NAA50: variants seen among roughly 807,000 people sequenced by gnomAD.
The protein encoded by NAA50 is N-alpha-acetyltransferase 50.
Under a neutral mutation model 20.7 loss-of-function variants are expected in NAA50, and 7 were observed. The ratio of observed to expected loss-of-function variants is 0.34; its 90% CI spans 0.19 to 0.63. NAA50 has a LOEUF of 0.63. Among genes scored for constraint, NAA50 ranks in the 30% least tolerant of loss-of-function variants. The pLI is 0.75. For synonymous variants in NAA50, 54 were observed against 70.6 expected, an observed-to-expected ratio of 0.77 and a Z score of 1.18; for missense variants, 111 against 199.1, an observed-to-expected ratio of 0.56 and a Z score of 2.66.
intron 1 of NAA50, among the ~76,000 whole-genome samples, chr3:113,744,536 A>T (rs1708463656): frequency 6.6e-6 from 1 of 152,146 alleles, no homozygotes; most frequent in African/African-American, 2.4e-5. Flanking sequence ...TTCTCCAAAT[A>T]TGTTGGATTG....
chr3:113,739,081 T>G lies in NAA50; in HGVS notation c.8+6861A>C, dbSNP rs529618683. The stretch of plus-strand genomic sequence containing the variant: ...CAAACTTCACTAAATAATCATCAAA[T>G]CTTTAAAAAAGGAAATGCCGTTTAT... On this transcript the variant is annotated intron_variant, in intron 1 of 4. Transcript: ENST00000240922. 2.0e-5 allele frequency among the ~76,000 whole-genome samples: 3 copies of G among 152,278 alleles called. 1 individual carries two copies. In the South Asian group the frequency reaches 6.2e-4, roughly 32 times the overall value.
intron 1 of NAA50, among the ~76,000 whole-genome samples, chr3:113,730,171 C>G (rs1011295930): frequency 2.6e-5 from 4 of 151,938 alleles, no homozygotes; most frequent in African/African-American, 9.7e-5. Context: ...TGTGGTGGCG[C>G]GTGCCTTTAG....
intron 1 of NAA50, among the ~76,000 whole-genome samples, chr3:113,734,426 C>T (rs1708312680): frequency 6.6e-6 from 1 of 152,064 alleles, no homozygotes; most frequent in South Asian, 2.1e-4. Flanking sequence ...ACGTAACAAA[C>T]CGGTACATGT....
chr3:113,729,793 A>G (rs1277210143), intron 1 of NAA50, among the ~76,000 whole-genome samples: 1 of 151,996 alleles, frequency 6.6e-6, no homozygotes, highest in Non-Finnish European at 1.5e-5. Flanking sequence ...CCTGAACTCA[A>G]GCAATCCACC....
At position 113,719,369 on chromosome 3, in the gene NAA50, TATG is replaced by T. The variant is rs2107981633; in HGVS notation, c.*2388_*2390del. 1 of 146,924 alleles carries T rather than the reference TATG, an allele frequency of 6.8e-6. No homozygotes were observed. Among genetic ancestry groups the T allele is most frequent in the Non-Finnish European group, 1.5e-5 (1 of 67,990 alleles). 9.1% of individuals were successfully genotyped at this position (146,924 alleles called of 1,614,324 possible). The stretch of plus-strand genomic sequence containing the variant: ...AGTAAAAACTATCTGTCCTGAAAAA[TATG>T]ATGGATATATCCTGTGATTTTCCAG... On this transcript the variant is annotated 3_prime_UTR_variant, in exon 5 of 5. Coordinates refer to ENST00000240922, the MANE Select transcript of NAA50 (RefSeq NM_025146.4).
chr3:113,732,001 G>A (rs1156524074), intron 1 of NAA50, among the ~76,000 whole-genome samples: 1 of 152,070 alleles, frequency 6.6e-6, no homozygotes, highest in Non-Finnish European at 1.5e-5. Flanking sequence ...TTGCTAGGTT[G>A]TATGACAAAT....
chr3:113,723,496 T>G lies in NAA50; in HGVS notation c.191A>C (p.Asp64Ala). 1 of 1,613,084 alleles carries G rather than the reference T, an allele frequency of 6.2e-7. No individual in the cohort carries two copies. The highest frequency in any genetic ancestry group is 8.5e-7 in the Non-Finnish European group (1 of 1,179,446). The change falls in exon 3 of 5, where the codon GAT becomes GCT. Residue 64 changes from aspartate (D) to alanine (A), a missense_variant. Transcript: ENST00000240922. ...AAGTCTCTTCTGATTCTGTGAATGA[T>G]CCACCCTACAGCATACTGCACCTAC... ...IAVGAVCCRV[D>A]HSQNQKRLYI...
At chr3:113,729,956 T>C (rs1265705241) in intron 1 of NAA50, among the ~76,000 whole-genome samples, 1 of 152,154 alleles carries the variant, frequency 6.6e-6, no homozygotes, top group Non-Finnish European at 1.5e-5. Flanking sequence ...GTAAATAGCA[T>C]ATAGTTGGAT....
At chr3:113,724,216 T>C (rs1223244573) in intron 1 of NAA50, 121 bp from the exon 2 acceptor site, 152 of 1,089,590 alleles carry the variant, frequency 1.4e-4, no homozygotes, top group East Asian at 3.2e-4. Flanking sequence ...TCAGAGTTGA[T>C]TTATAAGCAA....
intron 1 of NAA50, among the ~76,000 whole-genome samples, chr3:113,727,639 T>G (rs1040660774): frequency 6.6e-6 from 1 of 152,090 alleles, no homozygotes. Context: ...GCCTTTTTTT[T>G]TTTTAAAGCA....
In NAA50 at chr3:113,746,195, C is replaced by CCGATTGTATTCTTAAGTGACAT; in HGVS notation, c.-247_-246insATGTCACTTAAGAATACAATCG. 1 of 506,630 alleles carries CCGATTGTATTCTTAAGTGACAT rather than the reference C, an allele frequency of 2.0e-6. No homozygotes were observed. The highest frequency in any genetic ancestry group is 3.6e-5 in the East Asian group (1 of 27,588). The allele number at this position is 506,630 out of a possible 1,614,324, so 31.4% of individuals were successfully genotyped here. ...TCTCCACACGTGCACTCGGGTCTCT[C>CCGATTGTATTCTTAAGTGACAT]GGCTCCCTCCCGCCGCTGCCGCCAG... On this transcript the variant is annotated 5_prime_UTR_variant, in exon 1 of 5. In the 5' UTR this introduces an upstream ATG that the reference lacks. Coordinates refer to ENST00000240922, the MANE Select transcript of NAA50 (RefSeq NM_025146.4).
intron 1 of NAA50, among the ~76,000 whole-genome samples, chr3:113,744,933 G>A (rs1483736405): frequency 6.6e-6 from 1 of 152,128 alleles, no homozygotes; most frequent in Non-Finnish European, 1.5e-5. Context: ...TGAATAGTTG[G>A]AATGACTTCG....
rs150229965 is a variant in NAA50 at position 113,738,659 on chromosome 3, G to A, written c.8+7283C>T. Among the ~76,000 whole-genome samples the A allele has an allele frequency of 3.9e-3, 592 of 152,272 alleles. 1 individual carries two copies. Among genetic ancestry groups the A allele is most frequent in the Middle Eastern group, 6.8e-3 (2 of 294 alleles). ...ACCTTTATTAGTGACCCTACTGCTA[G>A]CTATCATTTGTGGTACATAAAACTA... On this transcript the variant is annotated intron_variant, in intron 1 of 4. Coordinates refer to ENST00000240922, the MANE Select transcript of NAA50 (RefSeq NM_025146.4).
intron 1 of NAA50, among the ~76,000 whole-genome samples, chr3:113,738,845 A>G (rs1708377718): frequency 6.6e-6 from 1 of 152,180 alleles, no homozygotes; most frequent in African/African-American, 2.4e-5. Context: ...CTAAGTACAA[A>G]ATATTTTCCT....
In NAA50 at chr3:113,728,188, ATTAAG is replaced by A. The variant is rs545816283; in HGVS notation, c.9-4098_9-4094del. On this transcript the variant is annotated intron_variant, in intron 1 of 4. Coordinates refer to ENST00000240922, the MANE Select transcript of NAA50 (RefSeq NM_025146.4). ...TTTTAGTTAGAATAACCTATAAAAAATTAAGTTAAAAGTCCAAATTCTCTATTAAA... is the reference window on the plus strand; with the variant it reads ...TTTTAGTTAGAATAACCTATAAAAAATTAAAAGTCCAAATTCTCTATTAAA... Among the ~76,000 whole-genome samples the A allele has an allele frequency of 9.5e-4, 144 of 152,338 alleles. 1 individual carries two copies. Among genetic ancestry groups the A allele is most frequent in the African/African-American group, 1.6e-3 (67 of 41,574 alleles).
chr3:113,724,433 T>G (rs929218333), intron 1 of NAA50, among the ~76,000 whole-genome samples: 1 of 152,230 alleles, frequency 6.6e-6, no homozygotes, highest in African/African-American at 2.4e-5. Context: ...TTACAGTTCC[T>G]TTGCCCAAGT....
chr3:113,717,616 T>G lies in NAA50; in HGVS notation c.*4144A>C, dbSNP rs1708072895. 1 of 152,192 alleles carries G rather than the reference T, an allele frequency of 6.6e-6. No individual in the cohort carries two copies. Among genetic ancestry groups the G allele is most frequent in the Non-Finnish European group, 1.5e-5 (1 of 68,024 alleles). The allele number at this position is 152,192 out of a possible 1,614,324, so 9.4% of individuals were successfully genotyped here. On this transcript the variant is annotated 3_prime_UTR_variant, in exon 5 of 5. Transcript: ENST00000240922. ...ACTGCCATAGAAAATATTTACTCCC[T>G]GAAAAACTTCTATAGGCTTACTGTT...
chr3:113,745,632 C>G (rs917384174), intron 1 of NAA50: 2 of 372,188 alleles, frequency 5.4e-6, no homozygotes, highest in Non-Finnish European at 4.8e-6. Context: ...GGAAGGAGGC[C>G]CCGGGCGCTT....
chr3:113,746,223 AGACCC>A lies in NAA50; in HGVS notation c.-279_-275del. ...CTCCCTCCCGCCGCTGCCGCCAGCCAGACCCGCTGCCGCGCTGTGACCTTTCACCC... is the reference window on the plus strand; with the variant it reads ...CTCCCTCCCGCCGCTGCCGCCAGCCAGCTGCCGCGCTGTGACCTTTCACCC... On this transcript the variant is annotated 5_prime_UTR_variant, in exon 1 of 5. Transcript: ENST00000240922. 1 of 473,270 alleles carries A rather than the reference AGACCC, an allele frequency of 2.1e-6. No homozygotes were observed. The highest frequency in any genetic ancestry group is 3.7e-6 in the Non-Finnish European group (1 of 268,240). 29.3% of individuals were successfully genotyped at this position (473,270 alleles called of 1,614,324 possible).
Sources: gnomAD v4.1 joint callset for allele counts (sites outside exome capture counted in the v4.1 genomes callset) on GRCh38, gnomAD v4.1.1 for gene constraint, MANE v1.5 for transcripts, NCBI Gene and HGNC (gene_info 2026-07-23, HGNC 2026-07-21) for gene names.